The following LIPA variants were observed in gnomAD, a reference collection of about 807,000 sequenced individuals.
The protein encoded by LIPA is lipase A, lysosomal acid type.
Under a neutral mutation model 40.6 loss-of-function variants are expected in LIPA, and 26 were observed. That is an observed-to-expected ratio of 0.64 (90% CI 0.47 to 0.89). LIPA has a LOEUF of 0.89. Among genes scored for constraint, LIPA ranks in the 40% least tolerant of loss-of-function variants. The pLI, the probability that LIPA is intolerant of heterozygous loss-of-function variation, is 0.00. For synonymous variants in LIPA, 188 were observed against 168.4 expected (o/e 1.12, Z -0.90); for missense variants, 455 against 479.6 (o/e 0.95, Z 0.48).
At chr10:89,290,773 C>T (rs554625826) in intron 1 of LIPA, among the ~76,000 whole-genome samples, 1 of 151,632 alleles carries the variant, frequency 6.6e-6, no homozygotes, top group Non-Finnish European at 1.5e-5. Context: ...TATAAAACGG[C>T]CCCGGCCCTA....
rs1564815971 is a variant in LIPA at position 89,413,784 on chromosome 10, C to CAAAA, written c.-72+619_-72+622dup. On this transcript the variant is annotated intron_variant, in intron 1 of 8. Coordinates refer to the LIPA transcript ENST00000371837. ...CCTGTCTCAAAAAAAAAAAAAAAAC[C>CAAAA]AAAATCAATGCAAAAGATGAATTAT... 7.5e-3 allele frequency among the ~76,000 whole-genome samples: 571 copies of CAAAA among 76,132 alleles called. 9 individuals are homozygous for CAAAA. The highest frequency in any genetic ancestry group is 0.028 in the East Asian group (71 of 2,552). 49.9% of individuals were successfully genotyped at this position (76,132 alleles called of 152,430 possible).
intron 1 of LIPA, chr10:89,339,588 G>T (rs1296011534): frequency 6.2e-7 from 1 of 1,614,056 alleles, no homozygotes; most frequent in East Asian, 2.2e-5. Flanking sequence ...AAGCACTAAA[G>T]CAATATGCTA....
At chr10:89,389,939 C>T (rs1022307860) in intron 2 of LIPA, among the ~76,000 whole-genome samples, 2 of 148,552 alleles carry the variant, frequency 1.3e-5, no homozygotes, top group Non-Finnish European at 1.5e-5. Context: ...CGGCTCAGGG[C>T]GCAGGTCTAC....
chr10:89,310,082 C>T (rs1843507502), intron 1 of LIPA, among the ~76,000 whole-genome samples: 1 of 152,184 alleles, frequency 6.6e-6, no homozygotes, highest in Non-Finnish European at 1.5e-5. Context: ...ATTTGATTGC[C>T]ACCTTGAGAG....
chr10:89,382,501 C>A (rs1286645290), intron 2 of LIPA, among the ~76,000 whole-genome samples: 1 of 152,202 alleles, frequency 6.6e-6, no homozygotes, highest in Non-Finnish European at 1.5e-5. Flanking sequence ...ATTCTCTCTT[C>A]CTCATGAGTG....
chr10:89,222,408 G>C, intron 8 of LIPA, 103 bp downstream of exon 8: 1 of 799,532 alleles, frequency 1.3e-6, no homozygotes, highest in East Asian at 2.5e-5. Flanking sequence ...AACCAGATCA[G>C]ATTTGTAAGC....
intron 8 of LIPA, among the ~76,000 whole-genome samples, chr10:89,216,623 A>G (rs1479729694): frequency 6.6e-6 from 1 of 152,174 alleles, no homozygotes; most frequent in Non-Finnish European, 1.5e-5. Context: ...CTACTTACAT[A>G]GCGTTTACAT....
At position 89,393,287 on chromosome 10, in the gene LIPA, C is replaced by T. The variant is rs1844285015; in HGVS notation, c.61+19504G>A. 3 of 1,289,506 alleles carry T rather than the reference C, an allele frequency of 2.3e-6. No homozygotes were observed. In the Admixed American group the frequency reaches 6.9e-5, roughly 30 times the overall value. The allele number at this position is 1,289,506 out of a possible 1,614,324, so 79.9% of individuals were successfully genotyped here. A position where few individuals can be genotyped will look rare whatever the true frequency, so the allele number is the denominator to read the frequency against. ...GCCTCTTACAACAGGTTTTCGCAAT[C>T]AGGCTGAGCTTAAGATAAACAGATT... On this transcript the variant is annotated intron_variant, in intron 2 of 8. Coordinates refer to the LIPA transcript ENST00000371837.
In LIPA at chr10:89,249,548, C is replaced by A. The variant is rs542071028; in HGVS notation, c.-1-1899G>T. On this transcript the variant is annotated intron_variant, in intron 1 of 9. Coordinates refer to ENST00000336233, the MANE Select transcript of LIPA (RefSeq NM_000235.4). ...TTGGATAAATTATGGTATATACCTA[C>A]TACTCAGCTATAAAAGGGAAGGAAC... is the stretch of plus-strand genomic sequence containing the variant. 9.9e-5 allele frequency among the ~76,000 whole-genome samples: 15 copies of A among 152,108 alleles called. No individual in the cohort carries two copies. The South Asian group carries it at 3.1e-3, about 32-fold the overall frequency.
chr10:89,412,548 G>C (rs902520931), intron 2 of LIPA: 1 of 173,220 alleles, frequency 5.8e-6, no homozygotes, highest in Non-Finnish European at 1.3e-5. Context: ...CTTCCACGTC[G>C]TGGAAGTTTT....
rs556298496 is a variant in LIPA, at chr10:89,221,566, G to A, written c.894+945C>T. Among the ~76,000 whole-genome samples the A allele has an allele frequency of 1.8e-3, 269 of 152,218 alleles. 3 individuals are homozygous for A. The highest frequency in any genetic ancestry group is 0.013 in the South Asian group (65 of 4,822). Reference sequence around the variant, plus strand: ...TTCTGATGCAAGCAGTGACTGCCAGGTGTTTGGAAATTACTATTCAAGACA... The same window carrying A: ...TTCTGATGCAAGCAGTGACTGCCAGATGTTTGGAAATTACTATTCAAGACA... On this transcript the variant is annotated intron_variant, in intron 8 of 9. Coordinates refer to ENST00000336233, the MANE Select transcript of LIPA (RefSeq NM_000235.4).
intron 1 of LIPA, chr10:89,306,354 T>A: frequency 6.2e-7 from 1 of 1,614,076 alleles, no homozygotes; most frequent in Non-Finnish European, 8.5e-7. Flanking sequence ...CCCTATAGAA[T>A]TGAGAGTCCA....
At chr10:89,256,224 A>G (rs1465857235), upstream of LIPA, among the ~76,000 whole-genome samples, 3 of 152,228 alleles carry the variant, frequency 2.0e-5, no homozygotes, top group African/African-American at 7.2e-5. Flanking sequence ...GATTTGGAAC[A>G]AAAAGGAGAA....
chr10:89,268,147 A>G (rs1033817641), intron 1 of LIPA, among the ~76,000 whole-genome samples: 3 of 152,222 alleles, frequency 2.0e-5, no homozygotes, highest in African/African-American at 7.2e-5. Context: ...TTGGAAGAGG[A>G]AAATAGGAGG....
chr10:89,265,465 C>A (rs754084227), intron 1 of LIPA, among the ~76,000 whole-genome samples: 1 of 152,194 alleles, frequency 6.6e-6, no homozygotes, highest in Non-Finnish European at 1.5e-5. Context: ...GTAAACATAT[C>A]CTTTTGTGGA....
At chr10:89,405,299 C>T (rs755549794) in intron 2 of LIPA, 22 of 151,946 alleles carry the variant, frequency 1.4e-4, no homozygotes, top group Non-Finnish European at 2.6e-4. Flanking sequence ...GAAAATGTTG[C>T]TAAATCAGAG....
chr10:89,241,403 G>C (rs1487945964), intron 3 of LIPA, among the ~76,000 whole-genome samples: 1 of 152,174 alleles, frequency 6.6e-6, no homozygotes, highest in Non-Finnish European at 1.5e-5. Context: ...GGCACCACCA[G>C]GGGTGAGGAA....
intron 2 of LIPA, chr10:89,403,959 T>C (rs1844487241): frequency 2.7e-6 from 1 of 364,040 alleles, no homozygotes; most frequent in Non-Finnish European, 4.9e-6. Flanking sequence ...GTTAACTTTG[T>C]AGGAAATAAA....
chr10:89,280,608 G>C (rs964161395), intron 1 of LIPA, among the ~76,000 whole-genome samples: 1 of 152,184 alleles, frequency 6.6e-6, no homozygotes, highest in African/African-American at 2.4e-5. Flanking sequence ...TTCATCTCCA[G>C]TCAGAGTTTC....
Sources: gnomAD v4.1 joint callset for allele counts (sites outside exome capture counted in the v4.1 genomes callset) on GRCh38, gnomAD v4.1.1 for gene constraint, MANE v1.5 for transcripts, NCBI Gene and HGNC (gene_info 2026-07-23, HGNC 2026-07-21) for gene names.